Variants in IER5L observed in about 807,000 individuals in gnomAD.
The protein encoded by IER5L is immediate early response 5 like, also known as immediate early response gene 5-like protein.
Under a neutral mutation model 28.3 loss-of-function variants are expected in IER5L, and 6 were observed. The ratio of observed to expected loss-of-function variants is 0.21; its 90% confidence interval spans 0.12 to 0.42. IER5L has a LOEUF of 0.42. Ranked by LOEUF, IER5L falls within the 10% of genes least tolerant of loss-of-function variation. The pLI is 1.00. For synonymous variants in IER5L, 351 were observed against 282.5 expected, an observed-to-expected ratio of 1.24 and a Z score of -2.43; for missense variants, 607 against 575.2, an observed-to-expected ratio of 1.06 and a Z score of -0.56.
In IER5L at chr9:129,176,658, T is replaced by G; in HGVS notation, c.*180A>C. 2.7e-5 allele frequency: 23 copies of G among 854,982 alleles called. No individual in the cohort carries two copies. Among genetic ancestry groups the G allele is most frequent in the South Asian group, 5.9e-5 (2 of 33,952 alleles). The allele number at this position is 854,982 out of a possible 1,614,324, so 53.0% of individuals were successfully genotyped here. ...CTCTCTGCAAAAATAAAGTCCAAGATTTTAGATTTCTTTTTTTTTTATTTT... is the reference window on the plus strand; with the variant it reads ...CTCTCTGCAAAAATAAAGTCCAAGAGTTTAGATTTCTTTTTTTTTTATTTT... On this transcript the variant is annotated 3_prime_UTR_variant, in exon 1 of 1. Transcript: ENST00000372491.
chr9:129,178,228 C>G lies in IER5L; in HGVS notation c.-176G>C. 2 of 487,520 alleles carry G rather than the reference C, an allele frequency of 4.1e-6. No individual in the cohort carries two copies. Among genetic ancestry groups the G allele is most frequent in the Non-Finnish European group, 6.7e-6 (2 of 297,186 alleles). The allele number at this position is 487,520 out of a possible 1,614,324, so 30.2% of individuals were successfully genotyped here. ...CCATGCGCCGCGCGCCACCCGCGGG[C>G]TCGCGCTCCCCAGACGGCGCCAAAG... On this transcript the variant is annotated 5_prime_UTR_variant, in exon 1 of 1. Coordinates refer to ENST00000372491, the MANE Select transcript of IER5L (RefSeq NM_203434.3).
rs1478791744 is a variant in IER5L at position 129,177,439 on chromosome 9, G to A, written c.614C>T (p.Pro205Leu). 35 of 1,183,892 alleles carry A rather than the reference G, an allele frequency of 3.0e-5. No individual in the cohort carries two copies. The highest frequency in any genetic ancestry group is 3.7e-5 in the Non-Finnish European group (35 of 958,082). The allele number at this position is 1,183,892 out of a possible 1,614,324, so 73.3% of individuals were successfully genotyped here. The change falls in exon 1 of 1, where the codon CCG becomes CTG. Residue 205 changes from proline (P) to leucine (L), a missense_variant. By Grantham distance (98) the Pro-to-Leu change is moderately conservative. Transcript: ENST00000372491. The part of the protein sequence containing the change: ...AALCPRDPRA[P>L]AACSAPPGAA... The stretch of plus-strand genomic sequence containing the variant: ...CCCTGGGGGCGCGGAGCAGGCGGCC[G>A]GGGCGCGAGGGTCCCGCGGGCAGAG...
At position 129,176,748 on chromosome 9, in the gene IER5L, G is replaced by T. The variant is rs1829408976; in HGVS notation, c.*90C>A. 1 of 1,377,962 alleles carries T rather than the reference G, an allele frequency of 7.3e-7. No individual in the cohort carries two copies. Among genetic ancestry groups the T allele is most frequent in the Non-Finnish European group, 9.4e-7 (1 of 1,068,774 alleles). 85.4% of individuals were successfully genotyped at this position (1,377,962 alleles called of 1,614,324 possible). On this transcript the variant is annotated 3_prime_UTR_variant, in exon 1 of 1. Transcript: ENST00000372491. ...CCAGCTCAGCCCCGAGTGGCCCGGCGCCCGCTCGTTCCCTCCTCTCGCCCC... is the reference window on the plus strand; with the variant it reads ...CCAGCTCAGCCCCGAGTGGCCCGGCTCCCGCTCGTTCCCTCCTCTCGCCCC...
rs1829384944 is a variant in IER5L, at chr9:129,175,811, C to T, written c.*1027G>A. 1 of 152,126 alleles carries T rather than the reference C, an allele frequency of 6.6e-6. No individual in the cohort carries two copies. Among genetic ancestry groups the T allele is most frequent in the Non-Finnish European group, 1.5e-5 (1 of 68,052 alleles). The allele number at this position is 152,126 out of a possible 1,614,324, so 9.4% of individuals were successfully genotyped here. On this transcript the variant is annotated 3_prime_UTR_variant, in exon 1 of 1. Coordinates refer to ENST00000372491, the MANE Select transcript of IER5L (RefSeq NM_203434.3). This position sits in a 1 kb window ranked among gnomAD's most constrained non-coding sequence, Gnocchi z 5.2. ...CGAGCTGAAGACACAGGACGGGGTT[C>T]TCACAGGCTCGAACAATGCTGGTTT...
chr9:129,177,040 C>A lies in IER5L; in HGVS notation c.1013G>T (p.Arg338Leu). Reference protein sequence around the residue: ...GAPFAPCKRARFEDFCPDSSP... With the variant: ...GAPFAPCKRALFEDFCPDSSP... The stretch of plus-strand genomic sequence containing the variant: ...CGAGTCCGGGCAGAAGTCCTCGAAG[C>A]GGGCGCGCTTGCAGGGGGCGAACGG... The change falls in exon 1 of 1, where the codon CGC becomes CTC. Residue 338 changes from arginine (R) to leucine (L), a missense_variant. Physicochemically the swap from Arg to Leu is moderately radical, Grantham distance 102. Coordinates refer to ENST00000372491, the MANE Select transcript of IER5L (RefSeq NM_203434.3). 2 of 1,557,730 alleles carry A rather than the reference C, an allele frequency of 1.3e-6. No individual in the cohort carries two copies. The highest frequency in any genetic ancestry group is 1.7e-6 in the Non-Finnish European group (2 of 1,152,496).
chr9:129,176,770 C>G lies in IER5L; in HGVS notation c.*68G>C. ...GGCGCCCGCTCGTTCCCTCCTCTCG[C>G]CCCTTTGCCGAGTCTTTGTCTGGCC... On this transcript the variant is annotated 3_prime_UTR_variant, in exon 1 of 1. Transcript: ENST00000372491. 7.1e-7 allele frequency: 1 copy of G among 1,410,974 alleles called. No individual in the cohort carries two copies. 87.4% of individuals were successfully genotyped at this position (1,410,974 alleles called of 1,614,324 possible). A position where few individuals can be genotyped will look rare whatever the true frequency, so the allele number is the denominator to read the frequency against.
chr9:129,177,484 GGCAGCGGCAGCGGCA>G lies in IER5L; in HGVS notation c.554_568del (p.Leu185_Leu189del). The G allele has an allele frequency of 1.0e-6, 1 of 988,432 alleles. No homozygotes were observed. Among genetic ancestry groups the G allele is most frequent in the South Asian group, 4.5e-5 (1 of 22,310 alleles). The allele number at this position is 988,432 out of a possible 1,614,324, so 61.2% of individuals were successfully genotyped here. A position where few individuals can be genotyped will look rare whatever the true frequency, so the allele number is the denominator to read the frequency against. The stretch of plus-strand genomic sequence containing the variant: ...GCAGAGCGCAGCGGGCGCGGGCGGC[GGCAGCGGCAGCGGCA>G]GCGGCGCAGGACCCGGCTGCAGAGG... On this transcript the variant is annotated inframe_deletion, in exon 1 of 1. Coordinates refer to ENST00000372491, the MANE Select transcript of IER5L (RefSeq NM_203434.3).
In IER5L at chr9:129,177,481, G is replaced by T; in HGVS notation, c.572C>A (p.Pro191Gln). The part of the protein sequence containing the change: ...GPAPLPLPLP[P>Q]PAPAALCPRD... ...CGGGCAGAGCGCAGCGGGCGCGGGC[G>T]GCGGCAGCGGCAGCGGCAGCGGCGC... is the stretch of plus-strand genomic sequence containing the variant. Residue 191 changes from proline (P) to glutamine (Q), a missense_variant, in exon 1 of 1, where the codon CCG becomes CAG. By Grantham distance (76) the Pro-to-Gln change is moderately conservative. Coordinates refer to ENST00000372491, the MANE Select transcript of IER5L (RefSeq NM_203434.3). The T allele has an allele frequency of 1.0e-6, 1 of 992,816 alleles. No homozygotes were observed. The highest frequency in any genetic ancestry group is 1.2e-6 in the Non-Finnish European group (1 of 837,132). The allele number at this position is 992,816 out of a possible 1,614,324, so 61.5% of individuals were successfully genotyped here.
rs1011130377 is a variant in IER5L, at chr9:129,176,122, CGG to C, written c.*714_*715del. The C allele has an allele frequency of 6.7e-6, 1 of 149,906 alleles. No homozygotes were observed. The highest frequency in any genetic ancestry group is 2.5e-5 in the African/African-American group (1 of 40,554). 9.3% of individuals were successfully genotyped at this position (149,906 alleles called of 1,614,324 possible). On this transcript the variant is annotated 3_prime_UTR_variant, in exon 1 of 1. Transcript: ENST00000372491. ...GGGTGTCAGGCGCCACCCCCGAGTCCGGGAGACGGGTGGAGGAGGGGAGGAGA... is the reference window on the plus strand; with the variant it reads ...GGGTGTCAGGCGCCACCCCCGAGTCCGAGACGGGTGGAGGAGGGGAGGAGA...
In IER5L at chr9:129,176,668, CTTTTT is replaced by C. The variant is rs111826542; in HGVS notation, c.*165_*169del. On this transcript the variant is annotated 3_prime_UTR_variant, in exon 1 of 1. Coordinates refer to ENST00000372491, the MANE Select transcript of IER5L (RefSeq NM_203434.3). ...AAATAAAGTCCAAGATTTTAGATTT[CTTTTT>C]TTTTTATTTTACAATTTATAAAACA... 1.1e-4 allele frequency: 92 copies of C among 823,948 alleles called. No individual in the cohort carries two copies. Among genetic ancestry groups the C allele is most frequent in the Non-Finnish European group, 1.4e-4 (84 of 606,972 alleles). 51.0% of individuals were successfully genotyped at this position (823,948 alleles called of 1,614,324 possible).
Position 129,178,231 on chromosome 9 carries a change from G to T in IER5L, c.-179C>A, listed in dbSNP as rs550851333. On this transcript the variant is annotated 5_prime_UTR_variant, in exon 1 of 1. Coordinates refer to ENST00000372491, the MANE Select transcript of IER5L (RefSeq NM_203434.3). Reference sequence around the variant, plus strand: ...TGCGCCGCGCGCCACCCGCGGGCTCGCGCTCCCCAGACGGCGCCAAAGCAA... The same window carrying T: ...TGCGCCGCGCGCCACCCGCGGGCTCTCGCTCCCCAGACGGCGCCAAAGCAA... 26 of 478,328 alleles carry T rather than the reference G, an allele frequency of 5.4e-5. No homozygotes were observed. The highest frequency in any genetic ancestry group is 4.9e-4 in the African/African-American group (24 of 49,372). The allele number at this position is 478,328 out of a possible 1,614,324, so 29.6% of individuals were successfully genotyped here. A position where few individuals can be genotyped will look rare whatever the true frequency, so the allele number is the denominator to read the frequency against.
At position 129,177,728 on chromosome 9, in the gene IER5L, G is replaced by A. The variant is rs1487471572; in HGVS notation, c.325C>T (p.His109Tyr). 1.7e-5 allele frequency: 24 copies of A among 1,444,198 alleles called. No individual in the cohort carries two copies. Among genetic ancestry groups the A allele is most frequent in the Middle Eastern group, 4.9e-4 (2 of 4,080 alleles). The allele number at this position is 1,444,198 out of a possible 1,614,324, so 89.5% of individuals were successfully genotyped here. The change falls in exon 1 of 1, where the codon CAC becomes TAC. Residue 109 changes from histidine to tyrosine, a missense_variant. His to Tyr is a moderately conservative substitution (Grantham distance 83, BLOSUM62 2). Coordinates refer to ENST00000372491, the MANE Select transcript of IER5L (RefSeq NM_203434.3). The part of the protein sequence containing the change: ...DAEAREPAAR[H>Y]QLHQLHQLHQ... ...AGCTGGTGGAGCTGGTGCAGCTGGT[G>A]CCGGGCGGCCGGCTCGCGCGCCTCC...
rs1829446087 is a variant in IER5L at position 129,178,229 on chromosome 9, T to TCGCGCTCC, written c.-185_-178dup. On this transcript the variant is annotated 5_prime_UTR_variant, in exon 1 of 1. Transcript: ENST00000372491. ...CATGCGCCGCGCGCCACCCGCGGGC[T>TCGCGCTCC]CGCGCTCCCCAGACGGCGCCAAAGC... 2 of 485,344 alleles carry TCGCGCTCC rather than the reference T, an allele frequency of 4.1e-6. No homozygotes were observed. The highest frequency in any genetic ancestry group is 4.1e-5 in the African/African-American group (2 of 49,152). The allele number at this position is 485,344 out of a possible 1,614,324, so 30.1% of individuals were successfully genotyped here.
Position 129,177,739 on chromosome 9 carries a change from G to A in IER5L, c.314C>T (p.Pro105Leu), listed in dbSNP as rs1829435740. 1.4e-6 allele frequency: 2 copies of A among 1,447,494 alleles called. No individual in the cohort carries two copies. The highest frequency in any genetic ancestry group is 1.8e-6 in the Non-Finnish European group (2 of 1,105,578). The allele number at this position is 1,447,494 out of a possible 1,614,324, so 89.7% of individuals were successfully genotyped here. Residue 105 changes from proline to leucine, a missense_variant, in exon 1 of 1, where the codon CCG becomes CTG. Pro to Leu is a moderately conservative substitution (Grantham distance 98). Transcript: ENST00000372491. ...GGGGDAEAREPAARHQLHQLH... is the reference protein window; with the variant it reads ...GGGGDAEARELAARHQLHQLH... ...CTGGTGCAGCTGGTGCCGGGCGGCC[G>A]GCTCGCGCGCCTCCGCGTCCCCGCC... is the stretch of plus-strand genomic sequence containing the variant.
In IER5L at chr9:129,176,913, C is replaced by G. The variant is rs1424620726; in HGVS notation, c.1140G>C (p.Pro380=). 6.2e-7 allele frequency: 1 copy of G among 1,603,884 alleles called. No individual in the cohort carries two copies. Among genetic ancestry groups the G allele is most frequent in the Admixed American group, 1.7e-5 (1 of 59,384 alleles). ...GCTTGGCGCACAGCTGCCCGTTGAGCGGCGGCGGCTGCTCCGAGGAGTCCG... is the reference window on the plus strand; with the variant it reads ...GCTTGGCGCACAGCTGCCCGTTGAGGGGCGGCGGCTGCTCCGAGGAGTCCG... ...RQPDSSEQPP[P]LNGQLCAKQA... Residue 380 remains proline (P), a synonymous_variant, in exon 1 of 1, where the codon CCG becomes CCC. Transcript: ENST00000372491.
Position 129,177,835 on chromosome 9 carries a change from T to A in IER5L, c.218A>T (p.Gln73Leu). The change falls in exon 1 of 1, where the codon CAG becomes CTG. Residue 73 changes from glutamine (Q) to leucine (L), a missense_variant. By Grantham distance (113) the Gln-to-Leu change is moderately radical. Coordinates refer to ENST00000372491, the MANE Select transcript of IER5L (RefSeq NM_203434.3). Reference protein sequence around the residue: ...QQQQPPHHQHQHLAYAAPGMP... With the variant: ...QQQQPPHHQHLHLAYAAPGMP... ...GCCCGGCGCCGCGTACGCTAGGTGCTGGTGCTGGTGGTGGGGCGGCTGCTG... is the reference window on the plus strand; with the variant it reads ...GCCCGGCGCCGCGTACGCTAGGTGCAGGTGCTGGTGGTGGGGCGGCTGCTG... 1 of 1,535,912 alleles carries A rather than the reference T, an allele frequency of 6.5e-7. No individual in the cohort carries two copies.
rs1248338964 is a variant in IER5L at position 129,177,863 on chromosome 9, G to A, written c.190C>T (p.Gln64Ter). The change falls in exon 1 of 1, where the codon CAG (glutamine) becomes TAG (stop). Residue 64 changes from glutamine to a stop codon, truncating the protein, a stop_gained. Transcript: ENST00000372491. LOFTEE classifies it high-confidence loss of function. ...TGCTGGTGGTGGGGCGGCTGCTGCT[G>A]TTGCTGCTGCTGCTGGCGCCGGTAG... ...ELYRRQQQQQ[Q>*]QQPPHHQHQH... 1 of 1,542,514 alleles carries A rather than the reference G, an allele frequency of 6.5e-7. No homozygotes were observed.
chr9:129,177,755 C>A lies in IER5L; in HGVS notation c.298G>T (p.Ala100Ser). The A allele has an allele frequency of 6.9e-7, 1 of 1,454,148 alleles. No individual in the cohort carries two copies. Among genetic ancestry groups the A allele is most frequent in the Non-Finnish European group, 9.0e-7 (1 of 1,109,378 alleles). The allele number at this position is 1,454,148 out of a possible 1,614,324, so 90.1% of individuals were successfully genotyped here. ...GPLQLGGGGD[A>S]EAREPAARHQ... is the part of the protein sequence containing the mutation. The stretch of plus-strand genomic sequence containing the variant: ...CGGGCGGCCGGCTCGCGCGCCTCCG[C>A]GTCCCCGCCGCCGCCAAGTTGGAGC... Residue 100 changes from alanine (A) to serine (S), a missense_variant, in exon 1 of 1, where the codon GCG (alanine) becomes TCG (serine). Transcript: ENST00000372491.
chr9:129,176,696 A>G lies in IER5L; in HGVS notation c.*142T>C. 9.5e-7 allele frequency: 1 copy of G among 1,057,818 alleles called. No individual in the cohort carries two copies. The highest frequency in any genetic ancestry group is 1.3e-6 in the Non-Finnish European group (1 of 797,694). 65.5% of individuals were successfully genotyped at this position (1,057,818 alleles called of 1,614,324 possible). A position where few individuals can be genotyped will look rare whatever the true frequency, so the allele number is the denominator to read the frequency against. ...TTTTTTTTATTTTACAATTTATAAA[A>G]CATCAGCCGCCTGCCCCCGCTCGCC... On this transcript the variant is annotated 3_prime_UTR_variant, in exon 1 of 1. Transcript: ENST00000372491.
Sources: allele counts gnomAD v4.1 joint callset, GRCh38; gene constraint gnomAD v4.1.1; non-coding constraint Gnocchi (gnomAD v3.1); transcripts MANE v1.5; gene names NCBI Gene and HGNC (gene_info 2026-07-23, HGNC 2026-07-21).